DGKB: variants seen among roughly 807,000 people sequenced by gnomAD.
The protein encoded by DGKB is 90 kDa diacylglycerol kinase.
DGKB carries 67 observed loss-of-function variants against 114.3 expected under a neutral mutation model. The observed-to-expected ratio is 0.59, with a 90% CI of 0.48 to 0.72. The LOEUF is 0.72. Among genes scored for constraint, DGKB ranks in the 30% least tolerant of loss-of-function variants. The probability of loss-of-function intolerance (pLI) is 0.00; values close to 1 mark genes in which losing one functional copy is unlikely to be tolerated. For missense variants in DGKB, 907 were observed against 975.2 expected (o/e 0.93, Z 0.93); for synonymous variants, 398 against 323.1 (o/e 1.23, Z -2.49).
chr7:14,268,467 A>T (rs550602651), intron 23 of DGKB, among the ~76,000 whole-genome samples: 1 of 152,338 alleles, frequency 6.6e-6, no homozygotes, highest in Admixed American at 6.5e-5. Flanking sequence ...ATGCAAGGTT[A>T]TTGATTTAGA....
At chr7:14,339,208 T>TAA (rs35265569) in intron 22 of DGKB, among the ~76,000 whole-genome samples, 37,372 of 141,902 alleles carry the variant, frequency 0.26, 5,240 homozygotes, top group South Asian at 0.39. Flanking sequence ...AGACTTTTGC[T>TAA]AAAAAAAAAA....
At chr7:14,597,066 G>C (rs763101029) in intron 17 of DGKB, among the ~76,000 whole-genome samples, 1 of 152,044 alleles carries the variant, frequency 6.6e-6, no homozygotes, top group Non-Finnish European at 1.5e-5. Context: ...CATAATACTG[G>C]TCAGAGACCA....
At chr7:14,610,214 CT>C (rs1805276438) in intron 16 of DGKB, among the ~76,000 whole-genome samples, 1 of 152,026 alleles carries the variant, frequency 6.6e-6, no homozygotes, top group East Asian at 1.9e-4. Context: ...AAATCATGTC[CT>C]TTGCAGCAAT....
At chr7:14,953,251 T>C (rs371723417) in intron 1 of DGKB, among the ~76,000 whole-genome samples, 4 of 152,110 alleles carry the variant, frequency 2.6e-5, no homozygotes, top group Admixed American at 6.6e-5. Context: ...AAGAACATCA[T>C]CAAAAAAACT....
chr7:14,613,684 C>T (rs1315519575), intron 15 of DGKB, among the ~76,000 whole-genome samples: 1 of 151,356 alleles, frequency 6.6e-6, no homozygotes, highest in Non-Finnish European at 1.5e-5. Flanking sequence ...GAGGGAATAA[C>T]ATTTGTAATT....
chr7:14,271,332 G>T (rs1462831653), intron 23 of DGKB, among the ~76,000 whole-genome samples: 7 of 151,900 alleles, frequency 4.6e-5, no homozygotes, highest in Non-Finnish European at 1.5e-5. Context: ...AACATCCAAG[G>T]CCTCAGTCTT....
intron 21 of DGKB, among the ~76,000 whole-genome samples, chr7:14,401,830 T>C (rs1000093912): frequency 2.6e-5 from 4 of 151,690 alleles, no homozygotes; most frequent in Non-Finnish European, 5.9e-5. Flanking sequence ...GAAAGGAAAA[T>C]ACTGTCTCAC....
At chr7:14,591,401 A>T (rs1801686343) in intron 17 of DGKB, among the ~76,000 whole-genome samples, 1 of 152,132 alleles carries the variant, frequency 6.6e-6, no homozygotes, top group African/African-American at 2.4e-5. Flanking sequence ...CAAATGATGT[A>T]TGAAGAAAAT....
chr7:14,322,955 C>A (rs1808083492), intron 23 of DGKB, among the ~76,000 whole-genome samples: 1 of 152,142 alleles, frequency 6.6e-6, no homozygotes, highest in African/African-American at 2.4e-5. Context: ...TTGTGCACTG[C>A]TGATCATAGC....
chr7:14,819,585 G>A (rs1844626774), intron 2 of DGKB, among the ~76,000 whole-genome samples: 1 of 152,026 alleles, frequency 6.6e-6, no homozygotes, highest in South Asian at 2.1e-4. Flanking sequence ...GTGAGACACA[G>A]TCTAAAAAAT....
At chr7:14,927,395 G>A (rs2128249418) in intron 1 of DGKB, among the ~76,000 whole-genome samples, 1 of 151,888 alleles carries the variant, frequency 6.6e-6, no homozygotes, top group African/African-American at 2.4e-5. Context: ...AGTGGGTATG[G>A]CAAAACATCT....
At chr7:14,425,462 T>C (rs1459490739) in intron 21 of DGKB, among the ~76,000 whole-genome samples, 1 of 152,100 alleles carries the variant, frequency 6.6e-6, no homozygotes, top group African/African-American at 2.4e-5. Context: ...AAAAATGCCA[T>C]TTTCATACTG....
intron 23 of DGKB, among the ~76,000 whole-genome samples, chr7:14,333,817 AAAC>A (rs1810171558): frequency 6.6e-6 from 1 of 152,216 alleles, no homozygotes; most frequent in East Asian, 1.9e-4. Flanking sequence ...ACTTTCAACA[AAAC>A]AAATTCATGA....
chr7:14,509,155 G>A (rs1206420636), intron 20 of DGKB, among the ~76,000 whole-genome samples: 2 of 152,092 alleles, frequency 1.3e-5, no homozygotes, highest in Non-Finnish European at 2.9e-5. Flanking sequence ...TACAGGTATA[G>A]CTTGTATACC....
chr7:14,440,504 T>G (rs560969558), intron 21 of DGKB, among the ~76,000 whole-genome samples: 1 of 152,192 alleles, frequency 6.6e-6, no homozygotes, highest in African/African-American at 2.4e-5. Flanking sequence ...GTATTTATTT[T>G]GTAGTCTGTT....
At chr7:14,730,090 C>A (rs1830691980) in intron 5 of DGKB, among the ~76,000 whole-genome samples, 1 of 152,050 alleles carries the variant, frequency 6.6e-6, no homozygotes. Flanking sequence ...ATTGTGTAGT[C>A]CAACAGAAAC....
intron 20 of DGKB, among the ~76,000 whole-genome samples, chr7:14,536,462 C>T (rs1792515607): frequency 6.6e-6 from 1 of 152,078 alleles, no homozygotes; most frequent in Non-Finnish European, 1.5e-5. Flanking sequence ...CAATTTTGTA[C>T]CATGACCAAG....
intron 21 of DGKB, among the ~76,000 whole-genome samples, chr7:14,380,686 A>G (rs1009586412): frequency 2.6e-5 from 4 of 152,214 alleles, no homozygotes; most frequent in African/African-American, 9.6e-5. Context: ...CTTTCATCAC[A>G]CATTGATTAA....
intron 21 of DGKB, among the ~76,000 whole-genome samples, chr7:14,433,101 G>T (rs777018819): frequency 2.0e-5 from 3 of 152,128 alleles, no homozygotes; most frequent in Non-Finnish European, 4.4e-5. Flanking sequence ...TGGGCAAGGG[G>T]AGCCTCCTTG....
Sources: allele counts gnomAD v4.1 joint callset (sites outside exome capture counted in the v4.1 genomes callset), GRCh38; gene constraint gnomAD v4.1.1; transcripts MANE v1.5; gene names NCBI Gene and HGNC (gene_info 2026-07-23, HGNC 2026-07-21).